The following LIMA1 variants were observed in gnomAD, a reference collection of about 807,000 sequenced individuals.
LIMA1 encodes the protein LIM domain and actin binding 1.
LIMA1 carries 52 observed loss-of-function variants against 62.6 expected under a neutral mutation model. The observed-to-expected ratio is 0.83, with a 90% confidence interval of 0.67 to 1.05. The LOEUF (loss-of-function observed/expected upper bound fraction) is 1.05. Ranked by LOEUF, LIMA1 falls within the 50% of genes least tolerant of loss-of-function variation. The pLI is 0.00. For missense variants in LIMA1, 780 were observed against 902.2 expected (o/e 0.86, Z 1.74); for synonymous variants, 302 against 317.8 (o/e 0.95, Z 0.53).
At chr12:50,233,445 C>T (rs1057377227) in intron 2 of LIMA1, among the ~76,000 whole-genome samples, 15 of 152,202 alleles carry the variant, frequency 9.9e-5, no homozygotes, top group Non-Finnish European at 1.9e-4. Context: ...GAGATAGTCA[C>T]ATTGCCTGTA....
At chr12:50,269,603 G>A (rs10783347) in intron 1 of LIMA1, among the ~76,000 whole-genome samples, 37,194 of 151,888 alleles carry the variant, frequency 0.24, 5,308 homozygotes, top group East Asian at 0.64. Flanking sequence ...AGTCTAAATC[G>A]GTAAAAGTTA....
rs961399507 is a variant in LIMA1, at chr12:50,231,067, G to A, written c.165+598C>T. On this transcript the variant is annotated intron_variant, in intron 3 of 10. Coordinates refer to ENST00000341247, the MANE Select transcript of LIMA1 (RefSeq NM_016357.5). Reference sequence around the variant, plus strand: ...TTAAGGAATTATTGACCAAACATATGAGTTTTTTTCCTCACAAGATTAAAT... The same window carrying A: ...TTAAGGAATTATTGACCAAACATATAAGTTTTTTTCCTCACAAGATTAAAT... 3.9e-5 allele frequency among the ~76,000 whole-genome samples: 6 copies of A among 152,172 alleles called. No homozygotes were observed. In the East Asian group the frequency reaches 1.2e-3, roughly 29 times the overall value.
intron 9 of LIMA1, chr12:50,185,658 A>T (rs1283145440): frequency 1.1e-5 from 4 of 359,856 alleles, no homozygotes; most frequent in Admixed American, 1.1e-4. Flanking sequence ...AGCTCAGGAG[A>T]GCGAGCTTTT....
rs189944067 is a variant in LIMA1, at chr12:50,236,100, G to A, written c.120-4390C>T. Among the ~76,000 whole-genome samples, 592 of 151,918 alleles carry A rather than the reference G, an allele frequency of 3.9e-3. 4 individuals are homozygous for A. The highest frequency in any genetic ancestry group is 0.014 in the African/African-American group (564 of 41,458). On this transcript the variant is annotated intron_variant, in intron 2 of 10. Transcript: ENST00000341247. Reference sequence around the variant, plus strand: ...GAATCGCCTGAACCCGGGAGGTGGAGGTTGCAGTGAGCCGAGATTGCACCA... The same window carrying A: ...GAATCGCCTGAACCCGGGAGGTGGAAGTTGCAGTGAGCCGAGATTGCACCA...
rs1168200389 is a variant in LIMA1 at position 50,177,203 on chromosome 12, G to A, written c.2141C>T (p.Thr714Ile). The A allele has an allele frequency of 1.2e-6, 2 of 1,614,062 alleles. No individual in the cohort carries two copies. The highest frequency in any genetic ancestry group is 3.3e-5 in the Admixed American group (2 of 60,000). Residue 714 changes from threonine to isoleucine, a missense_variant, in exon 11 of 11, where the codon ACC (threonine) becomes ATC (isoleucine). Thr to Ile is a moderately conservative substitution (Grantham distance 89). Transcript: ENST00000341247. ...CTGAGTAGTGAATTCTTCAGCAAAG[G>A]TGTTGTCTACAAAACTCGACCAATT... ...SLNWSSFVDN[T>I]FAEEFTTQNQ...
At chr12:50,216,272 T>C (rs1344288295) in intron 4 of LIMA1, among the ~76,000 whole-genome samples, 1 of 152,002 alleles carries the variant, frequency 6.6e-6, no homozygotes, top group African/African-American at 2.4e-5. Flanking sequence ...TGGGATGCAA[T>C]GGTGTCATCT....
intron 8 of LIMA1, among the ~76,000 whole-genome samples, chr12:50,193,010 G>A (rs542759096): frequency 2.6e-5 from 4 of 151,784 alleles, no homozygotes; most frequent in East Asian, 3.9e-4. Context: ...GTGTGCGCGC[G>A]TGCGCGCATT....
At position 50,240,611 on chromosome 12, in the gene LIMA1, G is replaced by A. The variant is rs186004117; in HGVS notation, c.119+8022C>T. Among the ~76,000 whole-genome samples, 96 of 152,260 alleles carry A rather than the reference G, an allele frequency of 6.3e-4. 2 individuals carry two copies. Among genetic ancestry groups the A allele is most frequent in the Admixed American group, 6.2e-3 (94 of 15,284 alleles). ...CAATGGAAGTAATGCTTCCTGGGAC[G>A]AGGAATTGTGAAAGAAGAGCAAATT... On this transcript the variant is annotated intron_variant, in intron 2 of 10. Coordinates refer to ENST00000341247, the MANE Select transcript of LIMA1 (RefSeq NM_016357.5).
At chr12:50,230,439 A>T (rs548530742) in intron 3 of LIMA1, among the ~76,000 whole-genome samples, 6 of 152,324 alleles carry the variant, frequency 3.9e-5, no homozygotes, top group South Asian at 2.1e-4. Flanking sequence ...GCTCAGTGAA[A>T]ACTTGTTAAA....
chr12:50,208,702 G>T (rs186508648), intron 4 of LIMA1, among the ~76,000 whole-genome samples: 6 of 151,850 alleles, frequency 4.0e-5, no homozygotes, highest in Non-Finnish European at 7.4e-5. Context: ...ATATGTGTGT[G>T]TGTGTATATA....
intron 4 of LIMA1, among the ~76,000 whole-genome samples, chr12:50,221,006 G>C (rs890038705): frequency 6.6e-6 from 1 of 152,184 alleles, no homozygotes; most frequent in Non-Finnish European, 1.5e-5. Context: ...GGCACTGCAA[G>C]TCATGGGAAG....
intron 4 of LIMA1, among the ~76,000 whole-genome samples, chr12:50,213,023 C>A (rs1937859059): frequency 6.6e-6 from 1 of 152,128 alleles, no homozygotes; most frequent in South Asian, 2.1e-4. Context: ...CCATGTTGGC[C>A]AGGCTGGTCT....
At position 50,251,624 on chromosome 12, in the gene LIMA1, C is replaced by CA. The variant is rs397850152; in HGVS notation, c.-23-2851dup. Among the ~76,000 whole-genome samples the CA allele has an allele frequency of 9.3e-3, 753 of 81,244 alleles. 9 individuals carry two copies. The highest frequency in any genetic ancestry group is 0.014 in the African/African-American group (317 of 23,202). The allele number at this position is 81,244 out of a possible 152,430, so 53.3% of individuals were successfully genotyped here. On this transcript the variant is annotated intron_variant, in intron 1 of 10. Coordinates refer to ENST00000341247, the MANE Select transcript of LIMA1 (RefSeq NM_016357.5). ...TGACAGAGTGAATGAGACTCCACCTCAAAAAAAAAAAAAAAAAAAGGTATG... is the reference window on the plus strand; with the variant it reads ...TGACAGAGTGAATGAGACTCCACCTCAAAAAAAAAAAAAAAAAAAAGGTATG...
intron 8 of LIMA1, among the ~76,000 whole-genome samples, chr12:50,195,298 A>C (rs1565834488): frequency 6.6e-6 from 1 of 152,186 alleles, no homozygotes; most frequent in Non-Finnish European, 1.5e-5. Flanking sequence ...CTTTGGGAAA[A>C]GGGAGGCTCA....
chr12:50,233,042 C>A (rs886756990), intron 2 of LIMA1, among the ~76,000 whole-genome samples: 3 of 152,184 alleles, frequency 2.0e-5, no homozygotes, highest in African/African-American at 7.2e-5. Flanking sequence ...TGCTTTTAAT[C>A]AACTCTATCA....
In LIMA1 at chr12:50,198,134, C is replaced by T. The variant is rs866523037; in HGVS notation, c.973-2247G>A. Among the ~76,000 whole-genome samples, 7 of 152,142 alleles carry T rather than the reference C, an allele frequency of 4.6e-5. No individual in the cohort carries two copies. The South Asian group carries it at 8.3e-4, about 18-fold the overall frequency. ...TGGTCTTTGAATCAAATTTTGTAGC[C>T]ATCAGTTTGAGACCATTTTTCTGTG... On this transcript the variant is annotated intron_variant, in intron 7 of 10. Coordinates refer to ENST00000341247, the MANE Select transcript of LIMA1 (RefSeq NM_016357.5).
At chr12:50,199,876 G>C (rs1941007485) in intron 7 of LIMA1, among the ~76,000 whole-genome samples, 1 of 151,910 alleles carries the variant, frequency 6.6e-6, no homozygotes, top group Admixed American at 6.6e-5. Flanking sequence ...AAGTTGCCCT[G>C]AATCTATGCT....
At position 50,195,825 on chromosome 12, in the gene LIMA1, C is replaced by A. The variant is rs937394558; in HGVS notation, c.1030+5G>T. 1 of 1,584,698 alleles carries A rather than the reference C, an allele frequency of 6.3e-7. No homozygotes were observed. Among genetic ancestry groups the A allele is most frequent in the South Asian group, 1.1e-5 (1 of 87,420 alleles). On this transcript the variant is annotated splice_donor_5th_base_variant and intron_variant, in intron 8 of 10. Transcript: ENST00000341247. ...CATCCTCCAGATCTAAGAAAGAATG[C>A]TTACGGGAGTCATCTTCGGCAGGGG...
rs1246588390 is a variant in LIMA1, at chr12:50,247,170, T to C, written c.119+1463A>G. Among the ~76,000 whole-genome samples the C allele has an allele frequency of 2.0e-5, 3 of 151,872 alleles. No individual in the cohort carries two copies. In the East Asian group the frequency reaches 5.8e-4, roughly 29 times the overall value. On this transcript the variant is annotated intron_variant, in intron 2 of 10. Transcript: ENST00000341247. ...TTTTTTTAATTAAAAAAATTTAAAA[T>C]GTCCAAAAAATTCTGACATTCCTCC... is the stretch of plus-strand genomic sequence containing the variant.
Sources: allele counts gnomAD v4.1 joint callset (sites outside exome capture counted in the v4.1 genomes callset), GRCh38; gene constraint gnomAD v4.1.1; transcripts MANE v1.5; gene names NCBI Gene and HGNC (gene_info 2026-07-23, HGNC 2026-07-21).